Variants in ZNF518A observed in about 807,000 individuals in gnomAD.
ZNF518A encodes zinc finger protein 518.
In ZNF518A, 47 loss-of-function variants were observed where a neutral mutation model predicts 102.7. The ratio of observed to expected loss-of-function variants is 0.46; its 90% CI spans 0.36 to 0.58. ZNF518A has a LOEUF of 0.58. Among genes scored for constraint, ZNF518A ranks in the 20% least tolerant of loss-of-function variants. The pLI is 0.00. For synonymous variants in ZNF518A, 652 were observed against 594.6 expected, an observed-to-expected ratio of 1.10 and a Z score of -1.40; for missense variants, 1,793 against 1,699.8, an observed-to-expected ratio of 1.05 and a Z score of -0.96.
intron 3 of ZNF518A, among the ~76,000 whole-genome samples, chr10:96,138,214 TA>T (rs2081716228): frequency 6.6e-6 from 1 of 152,232 alleles, no homozygotes; most frequent in Admixed American, 6.5e-5. Flanking sequence ...GCCCAAGTGA[TA>T]GAAGTAATTC....
intron 1 of ZNF518A, among the ~76,000 whole-genome samples, chr10:96,172,264 T>C (rs2083178460): frequency 6.6e-6 from 1 of 152,126 alleles, no homozygotes; most frequent in African/African-American, 2.4e-5. Context: ...TAAAACATTA[T>C]GCATATAATT....
In ZNF518A at chr10:96,158,887, G is replaced by A. The variant is rs782514254; in HGVS notation, c.2565G>A (p.Leu855=). Residue 855 remains leucine, a synonymous_variant, in exon 6 of 6, where the codon TTG becomes TTA. Coordinates refer to ENST00000316045, the MANE Select transcript of ZNF518A (RefSeq NM_001330736.2). ...SVGINVPTND[L]NLKFGKEKQV... ...GTATTAATGTGCCTACAAATGATTT[G>A]AATTTGAAATTTGGAAAAGAAAAAC... 3 of 1,613,630 alleles carry A rather than the reference G, an allele frequency of 1.9e-6. No homozygotes were observed.
chr10:96,157,627 A>T lies in ZNF518A; in HGVS notation c.1305A>T (p.Ala435=), dbSNP rs1393209731. Residue 435 remains alanine (A), a synonymous_variant, in exon 6 of 6, where the codon GCA becomes GCT. Transcript: ENST00000316045. The part of the protein sequence containing the change: ...KNVMMKNNKL[A]VSPNYNATFM... Reference sequence around the variant, plus strand: ...TAATGATGAAAAATAATAAACTAGCAGTTTCCCCTAACTATAATGCTACGT... The same window carrying T: ...TAATGATGAAAAATAATAAACTAGCTGTTTCCCCTAACTATAATGCTACGT... 1 of 1,613,886 alleles carries T rather than the reference A, an allele frequency of 6.2e-7. No individual in the cohort carries two copies. Among genetic ancestry groups the T allele is most frequent in the Admixed American group, 1.7e-5 (1 of 60,000 alleles).
chr10:96,189,619 G>A, intron 1 of ZNF518A: 2 of 702,748 alleles, frequency 2.8e-6, no homozygotes, highest in South Asian at 1.4e-5. Flanking sequence ...TTTCTATTCT[G>A]ATTTGACTTT....
chr10:96,156,727 G>A lies in ZNF518A; in HGVS notation c.405G>A (p.Leu135=), dbSNP rs61858659. The A allele has an allele frequency of 2.9e-5, 46 of 1,613,732 alleles. No individual in the cohort carries two copies. Among genetic ancestry groups the A allele is most frequent in the Non-Finnish European group, 3.7e-5 (44 of 1,179,800 alleles). The change falls in exon 6 of 6, where the codon TTG becomes TTA. Residue 135 remains leucine, a synonymous_variant. Coordinates refer to ENST00000316045, the MANE Select transcript of ZNF518A (RefSeq NM_001330736.2). ...RDNTRYSPND[L]QKHFQMWHHG... ...ACACTCGATATAGCCCAAATGATTTGCAGAAACACTTTCAAATGTGGCACC... is the reference window on the plus strand; with the variant it reads ...ACACTCGATATAGCCCAAATGATTTACAGAAACACTTTCAAATGTGGCACC...
rs2083059902 is a variant in ZNF518A, at chr10:96,163,034, T to A, written c.*2260T>A. On this transcript the variant is annotated 3_prime_UTR_variant, in exon 6 of 6. Coordinates refer to ENST00000316045, the MANE Select transcript of ZNF518A (RefSeq NM_001330736.2). ...TTACATATAGATCTGTTATGAGACA[T>A]CACCTGCTGTAAATAGCAAGGAGAG... 6.0e-6 allele frequency: 1 copy of A among 166,988 alleles called. No individual in the cohort carries two copies. The highest frequency in any genetic ancestry group is 1.5e-5 in the Non-Finnish European group (1 of 68,048). 10.3% of individuals were successfully genotyped at this position (166,988 alleles called of 1,614,324 possible). A position where few individuals can be genotyped will look rare whatever the true frequency, so the allele number is the denominator to read the frequency against.
At chr10:96,141,831 C>A (rs1423567926) in intron 3 of ZNF518A, among the ~76,000 whole-genome samples, 1 of 151,404 alleles carries the variant, frequency 6.6e-6, no homozygotes, top group African/African-American at 2.4e-5. Flanking sequence ...CCTCTGCCAC[C>A]CAGGTTTAAG....
chr10:96,159,047 A>G lies in ZNF518A; in HGVS notation c.2725A>G (p.Thr909Ala), dbSNP rs200102679. ...TGTAAAAGACAAACTACGAGCCACC[A>G]CACAAAATTTAGGTTCTTTTTATAT... ...QLVKDKLRAT[T>A]QNLGSFYMQS... Residue 909 changes from threonine (T) to alanine (A), a missense_variant, in exon 6 of 6, where the codon ACA becomes GCA. By Grantham distance (58) the Thr-to-Ala change is moderately conservative. Around this residue, in one of 3 missense-constraint regions of ZNF518A, gnomAD observed 1,741 missense variants for 1,622.6 expected, o/e 1.07. Transcript: ENST00000316045. The G allele has an allele frequency of 2.5e-5, 41 of 1,613,508 alleles. No homozygotes were observed. Among genetic ancestry groups the G allele is most frequent in the Admixed American group, 1.3e-4 (8 of 59,866 alleles).
At chr10:96,181,522 C>A (rs376501794) in intron 1 of ZNF518A, among the ~76,000 whole-genome samples, 25 of 152,208 alleles carry the variant, frequency 1.6e-4, no homozygotes, top group African/African-American at 4.3e-4. Flanking sequence ...TAATTTTTGT[C>A]TAAGGTGTAA....
Position 96,162,999 on chromosome 10 carries a change from GCT to G in ZNF518A, c.*2228_*2229del, listed in dbSNP as rs2083057369. Reference sequence around the variant, plus strand: ...ACCCTAACAGCAATAAAATTAAAATGCTCTGTTTGTTACATATAGATCTGTTA... The same window carrying G: ...ACCCTAACAGCAATAAAATTAAAATGCTGTTTGTTACATATAGATCTGTTA... On this transcript the variant is annotated 3_prime_UTR_variant, in exon 6 of 6. Transcript: ENST00000316045. 6.0e-6 allele frequency: 1 copy of G among 166,096 alleles called. No individual in the cohort carries two copies. Among genetic ancestry groups the G allele is most frequent in the Non-Finnish European group, 1.5e-5 (1 of 67,850 alleles). 10.3% of individuals were successfully genotyped at this position (166,096 alleles called of 1,614,324 possible).
intron 1 of ZNF518A, chr10:96,199,634 T>A (rs1303911012): frequency 2.4e-5 from 10 of 414,490 alleles, no homozygotes; most frequent in South Asian, 1.4e-4. Context: ...AAGATCCTTG[T>A]ATCTACACTT....
chr10:96,156,758 G>A lies in ZNF518A; in HGVS notation c.436G>A (p.Glu146Lys), dbSNP rs1554882729. 5.6e-6 allele frequency: 9 copies of A among 1,613,898 alleles called. No homozygotes were observed. The highest frequency in any genetic ancestry group is 1.6e-4 in the Middle Eastern group (1 of 6,062). The change falls in exon 6 of 6, where the codon GAA (glutamate) becomes AAA (lysine). Residue 146 changes from glutamate to lysine, a missense_variant. Glu to Lys is a moderately conservative substitution (Grantham distance 56). This residue lies in a region of ZNF518A where 1,741 missense variants were observed against 1,622.6 expected (regional missense o/e 1.07). Transcript: ENST00000316045. ...ACACTTTCAAATGTGGCACCATGGC[G>A]AATTACCTTCATATCCTTGTGAAAT... The part of the protein sequence containing the change: ...QKHFQMWHHG[E>K]LPSYPCEMCN...
Position 96,204,043 on chromosome 10 carries a change from T to A in ZNF518A, n.214T>A, listed in dbSNP as rs782084331. The A allele has an allele frequency of 6.2e-6, 10 of 1,610,940 alleles. No homozygotes were observed. In the Admixed American group the frequency reaches 1.7e-4, roughly 27 times the overall value. On this transcript the variant is annotated non_coding_transcript_exon_variant, in exon 3 of 3. Coordinates refer to the ZNF518A transcript ENST00000442635. ...ACCACTCCCTGATACACTACATGGC[T>A]TCGTTGTACTTACTTGGCAGAGGTA...
chr10:96,187,506 A>T (rs1564805465), intron 1 of ZNF518A, among the ~76,000 whole-genome samples: 1 of 152,200 alleles, frequency 6.6e-6, no homozygotes, highest in Non-Finnish European at 1.5e-5. Flanking sequence ...TACTACAGTA[A>T]GAGTAGTTTA....
chr10:96,165,746 G>T (rs1025977258), downstream of ZNF518A, among the ~76,000 whole-genome samples: 23 of 152,180 alleles, frequency 1.5e-4, no homozygotes, highest in Non-Finnish European at 2.9e-4. Flanking sequence ...GTTCAGTGGA[G>T]GGTTGGAGTA....
chr10:96,166,715 C>T (rs1233215981), downstream of ZNF518A, among the ~76,000 whole-genome samples: 2 of 152,168 alleles, frequency 1.3e-5, no homozygotes, highest in East Asian at 1.9e-4. Context: ...TGCAGTGAGC[C>T]GAGATCGCAC....
chr10:96,204,472 G>A (rs2133965224), downstream of ZNF518A: 2 of 1,535,600 alleles, frequency 1.3e-6, no homozygotes, highest in Non-Finnish European at 1.8e-6. Flanking sequence ...GTGAAACAAT[G>A]CACATGTTAA....
chr10:96,138,145 CT>C (rs2081711221), intron 3 of ZNF518A, among the ~76,000 whole-genome samples: 1 of 152,190 alleles, frequency 6.6e-6, no homozygotes, highest in Non-Finnish European at 1.5e-5. Flanking sequence ...GATAATTGTA[CT>C]GTGTAGTCTT....
In ZNF518A at chr10:96,162,877, C is replaced by A. The variant is rs1207250332; in HGVS notation, c.*2103C>A. ...GTGGGATTTTTTTTCTTCCCAAAAT[C>A]ATAGATGATATATTGTTTAAGAAAG... On this transcript the variant is annotated 3_prime_UTR_variant, in exon 6 of 6. Transcript: ENST00000316045. The A allele has an allele frequency of 6.0e-6, 1 of 166,740 alleles. No individual in the cohort carries two copies. The highest frequency in any genetic ancestry group is 1.5e-5 in the Non-Finnish European group (1 of 68,006). 10.3% of individuals were successfully genotyped at this position (166,740 alleles called of 1,614,324 possible).
Sources: allele counts gnomAD v4.1 joint callset (sites outside exome capture counted in the v4.1 genomes callset), GRCh38; gene constraint gnomAD v4.1.1; regional missense constraint gnomAD v4.1.1; transcripts MANE v1.5; gene names NCBI Gene and HGNC (gene_info 2026-07-23, HGNC 2026-07-21).